The following DIP2A variants were observed in gnomAD, a reference collection of about 807,000 sequenced individuals.
DIP2A encodes DIP2 acetate--CoA ligase A.
A neutral mutation model predicts 177.4 loss-of-function variants in DIP2A; 85 were observed. The observed-to-expected ratio is 0.48, with a 90% CI of 0.40 to 0.57. The LOEUF (loss-of-function observed/expected upper bound fraction) is 0.57, where lower values mean the gene tolerates loss of function less well. Ranked by LOEUF, DIP2A falls within the 20% of genes least tolerant of loss-of-function variation. DIP2A has a pLI of 0.00. For synonymous variants in DIP2A, 886 were observed against 881.8 expected, an observed-to-expected ratio of 1.00 and a Z score of -0.08; for missense variants, 1,791 against 2,100.2, an observed-to-expected ratio of 0.85 and a Z score of 2.88.
intron 7 of DIP2A, 31 bp from the exon 8 acceptor site, chr21:46,511,386 G>T (rs1464563589): frequency 6.4e-7 from 1 of 1,572,090 alleles, no homozygotes; most frequent in Non-Finnish European, 8.6e-7. Flanking sequence ...GCTCTGAATT[G>T]CTGATTTTAA....
chr21:46,530,895 G>A (rs1399904545), intron 9 of DIP2A, among the ~76,000 whole-genome samples: 1 of 152,080 alleles, frequency 6.6e-6, no homozygotes, highest in African/African-American at 2.4e-5. Context: ...GAAAGAGAGT[G>A]GAATGATGCT....
chr21:46,572,711 A>G (rs921051935), downstream of DIP2A, among the ~76,000 whole-genome samples: 1 of 152,224 alleles, frequency 6.6e-6, no homozygotes, highest in African/African-American at 2.4e-5. Flanking sequence ...CTCAGCTGCT[A>G]TAATTCTAAG....
At chr21:46,517,446 A>G (rs2058637526) in intron 8 of DIP2A, among the ~76,000 whole-genome samples, 1 of 151,930 alleles carries the variant, frequency 6.6e-6, no homozygotes, top group Non-Finnish European at 1.5e-5. Flanking sequence ...CATCTTCCTT[A>G]AGAGAAACCT....
At chr21:46,482,115 T>C (rs1242600008) in intron 1 of DIP2A, among the ~76,000 whole-genome samples, 2 of 152,140 alleles carry the variant, frequency 1.3e-5, no homozygotes, top group Non-Finnish European at 2.9e-5. Context: ...GATAATAAAT[T>C]TGATAAACCT....
chr21:46,569,790 A>G lies in DIP2A; in HGVS notation c.*2168A>G, dbSNP rs534885199. 20 of 152,290 alleles carry G rather than the reference A, an allele frequency of 1.3e-4. No individual in the cohort carries two copies. The highest frequency in any genetic ancestry group is 5.9e-4 in the Admixed American group (9 of 15,308). 9.4% of individuals were successfully genotyped at this position (152,290 alleles called of 1,614,324 possible). A position where few individuals can be genotyped will look rare whatever the true frequency, so the allele number is the denominator to read the frequency against. On this transcript the variant is annotated 3_prime_UTR_variant, in exon 38 of 38. Transcript: ENST00000417564. ...CTTATTTTGCTTTTTTTCTGACTAT[A>G]AAAGCAGTTATGCTTATAGCATAAA...
At chr21:46,467,310 A>AAAG (rs1251658559) in intron 1 of DIP2A, among the ~76,000 whole-genome samples, 1 of 151,980 alleles carries the variant, frequency 6.6e-6, no homozygotes, top group Non-Finnish European at 1.5e-5. Flanking sequence ...AAAAAAAAAA[A>AAAG]AAAATTTAAA....
At chr21:46,548,906 G>T (rs964519718) in intron 21 of DIP2A, among the ~76,000 whole-genome samples, 15 of 152,202 alleles carry the variant, frequency 9.9e-5, no homozygotes, top group African/African-American at 9.7e-5. Flanking sequence ...AGTGGAACTG[G>T]CACAAGATAA....
Position 46,567,491 on chromosome 21 carries a change from G to A in DIP2A, c.4585G>A (p.Val1529Met), listed in dbSNP as rs768385594. ...NVVLEEHYLV[V>M]GVVVIVDPGV... ...GGTGCTGGAGGAGCACTACCTGGTC[G>A]TGGGAGTGGTGGTCATCGTGGACCC... Residue 1529 changes from valine to methionine, a missense_variant, in exon 38 of 38, where the codon GTG becomes ATG. By Grantham distance (21) the Val-to-Met change is conservative. Coordinates refer to ENST00000417564, the MANE Select transcript of DIP2A (RefSeq NM_015151.4). 5.0e-6 allele frequency: 8 copies of A among 1,613,848 alleles called. No homozygotes were observed. Among genetic ancestry groups the A allele is most frequent in the East Asian group, 4.5e-5 (2 of 44,898 alleles).
Position 46,556,506 on chromosome 21 carries a change from A to C in DIP2A, c.3498+415A>C. On this transcript the variant is annotated intron_variant, in intron 29 of 37. Coordinates refer to ENST00000417564, the MANE Select transcript of DIP2A (RefSeq NM_015151.4). This position sits in a 1 kb window ranked among gnomAD's most constrained non-coding sequence, Gnocchi z 4.5. The stretch of plus-strand genomic sequence containing the variant: ...AGACCATCCTGGCCAACGTGGTGAA[A>C]CCCCGTCTCTACTAAAAATACAAAA... The C allele has an allele frequency of 1.6e-6, 1 of 614,966 alleles. No homozygotes were observed. The allele number at this position is 614,966 out of a possible 1,614,324, so 38.1% of individuals were successfully genotyped here.
At chr21:46,546,859 G>A in intron 20 of DIP2A, 56 bp from the exon 21 acceptor site, 2 of 1,598,248 alleles carry the variant, frequency 1.3e-6, no homozygotes, top group Non-Finnish European at 1.7e-6. Flanking sequence ...CATGGTCCTG[G>A]CGCATCCAGC....
chr21:46,462,516 G>A (rs1033223283), intron 1 of DIP2A: 5 of 152,180 alleles, frequency 3.3e-5, no homozygotes, highest in African/African-American at 4.8e-5. Context: ...AAAATGCTTC[G>A]AAACTGGTAA....
At chr21:46,552,028 A>G in intron 25 of DIP2A, 124 bp downstream of exon 25, 1 of 1,144,358 alleles carries the variant, frequency 8.7e-7, no homozygotes. Context: ...GTGCCTGTGG[A>G]CTCAGCCCCC....
chr21:46,547,656 CTTTTTTT>C (rs10672432), intron 21 of DIP2A, among the ~76,000 whole-genome samples: 21 of 76,392 alleles, frequency 2.7e-4, no homozygotes, highest in Non-Finnish European at 3.9e-4. Context: ...AAGGGGGTGC[CTTTTTTT>C]TTTTTTTTTT....
At chr21:46,463,629 A>G (rs1215046804) in intron 1 of DIP2A, among the ~76,000 whole-genome samples, 1 of 152,022 alleles carries the variant, frequency 6.6e-6, no homozygotes, top group Non-Finnish European at 1.5e-5. Context: ...CTTCTCTCAC[A>G]AAGCTTTTTT....
chr21:46,546,406 A>C, intron 20 of DIP2A: 1 of 723,026 alleles, frequency 1.4e-6, no homozygotes, highest in Non-Finnish European at 1.7e-6. Context: ...TCACAACTCA[A>C]GGGAGGGGAG....
At chr21:46,555,881 C>A in intron 28 of DIP2A, 101 bp from the exon 29 acceptor site, 1 of 885,484 alleles carries the variant, frequency 1.1e-6, no homozygotes, top group Non-Finnish European at 1.9e-6. Flanking sequence ...CTCTGCAGGA[C>A]TCCCAAGGAC....
intron 8 of DIP2A, among the ~76,000 whole-genome samples, chr21:46,526,055 C>T (rs1342098110): frequency 6.6e-6 from 1 of 151,752 alleles, no homozygotes; most frequent in Non-Finnish European, 1.5e-5. Context: ...ATTACAGGCG[C>T]CTGCCACCAC....
At chr21:46,495,280 G>GTT (rs2057291802) in intron 3 of DIP2A, among the ~76,000 whole-genome samples, 1 of 75,870 alleles carries the variant, frequency 1.3e-5, no homozygotes, top group Non-Finnish European at 2.9e-5. Context: ...CTCTCTCTCT[G>GTT]TTTTTGAGAT....
chr21:46,567,884 C>G lies in DIP2A; in HGVS notation c.*262C>G, dbSNP rs1220499713. 3 of 401,948 alleles carry G rather than the reference C, an allele frequency of 7.5e-6. No homozygotes were observed. Among genetic ancestry groups the G allele is most frequent in the Non-Finnish European group, 8.7e-6 (2 of 230,912 alleles). 24.9% of individuals were successfully genotyped at this position (401,948 alleles called of 1,614,324 possible). On this transcript the variant is annotated 3_prime_UTR_variant, in exon 38 of 38. Transcript: ENST00000417564. The stretch of plus-strand genomic sequence containing the variant: ...AGAGACAAGGAAAGGAAAGGAAAGG[C>G]CTGGCATGGGCATTGTGAGGAATCA...
Sources: allele counts gnomAD v4.1 joint callset (sites outside exome capture counted in the v4.1 genomes callset), GRCh38; gene constraint gnomAD v4.1.1; non-coding constraint Gnocchi (gnomAD v3.1); transcripts MANE v1.5; gene names NCBI Gene and HGNC (gene_info 2026-07-23, HGNC 2026-07-21).